RFC2: variants seen among roughly 807,000 people sequenced by gnomAD.
RFC2 encodes A1 40 kDa subunit.
A neutral mutation model predicts 44.8 loss-of-function variants in RFC2; 34 were observed. The observed-to-expected ratio is 0.76, with a 90% CI of 0.58 to 1.01. RFC2 has a LOEUF of 1.01. RFC2 is among the 50% of genes least tolerant of loss of function. The pLI, the probability that RFC2 is intolerant of heterozygous loss-of-function variation, is 0.00. For synonymous variants in RFC2, 177 were observed against 168.9 expected, an observed-to-expected ratio of 1.05 and a Z score of -0.37; for missense variants, 400 against 453.6, an observed-to-expected ratio of 0.88 and a Z score of 1.07.
At chr7:74,239,567 G>A (rs968773576) in intron 7 of RFC2, among the ~76,000 whole-genome samples, 7 of 152,176 alleles carry the variant, frequency 4.6e-5, no homozygotes, top group Middle Eastern at 3.4e-3. Flanking sequence ...TCCTGACCTC[G>A]TGATCCACCC....
At chr7:74,240,756 G>A (rs1803290031) in intron 6 of RFC2, among the ~76,000 whole-genome samples, 1 of 152,150 alleles carries the variant, frequency 6.6e-6, no homozygotes, top group Admixed American at 6.6e-5. Context: ...TGGCCCTTCT[G>A]GGCACATGAC....
chr7:74,241,113 T>C (rs1554719236), intron 6 of RFC2, among the ~76,000 whole-genome samples: 1 of 151,976 alleles, frequency 6.6e-6, no homozygotes, highest in East Asian at 1.9e-4. Flanking sequence ...GTATTTTTAG[T>C]AGAAATGGGG....
chr7:74,244,898 G>A (rs1803514885), intron 5 of RFC2, among the ~76,000 whole-genome samples: 1 of 151,894 alleles, frequency 6.6e-6, no homozygotes, highest in Non-Finnish European at 1.5e-5. Context: ...AGGAGTTCAA[G>A]GTTGCAGTGA....
At chr7:74,252,227 G>A (rs1217288181) in intron 2 of RFC2, among the ~76,000 whole-genome samples, 1 of 150,824 alleles carries the variant, frequency 6.6e-6, no homozygotes, top group African/African-American at 2.4e-5. Flanking sequence ...CTAACACGGT[G>A]AAACCCCGTC....
At chr7:74,250,030 G>C (rs1554720792) in intron 2 of RFC2, among the ~76,000 whole-genome samples, 1 of 151,764 alleles carries the variant, frequency 6.6e-6, no homozygotes, top group Non-Finnish European at 1.5e-5. Flanking sequence ...GTGTGCTCCT[G>C]TACTCCCAGC....
chr7:74,248,888 G>T (rs1454406896), intron 4 of RFC2, 124 bp downstream of exon 4: 1 of 687,216 alleles, frequency 1.5e-6, no homozygotes, highest in Admixed American at 2.4e-5. Context: ...TCACTGGGAA[G>T]GGGTGGAGGA....
chr7:74,237,142 G>T (rs1018098187), intron 9 of RFC2: 2 of 403,016 alleles, frequency 5.0e-6, no homozygotes, highest in Non-Finnish European at 9.2e-6. Context: ...CTGAGACAGG[G>T]TCTCACCATC....
At chr7:74,237,541 T>C in intron 8 of RFC2, 99 bp from the exon 9 acceptor site, 2 of 607,530 alleles carry the variant, frequency 3.3e-6, no homozygotes, top group Admixed American at 6.2e-5. Flanking sequence ...TGGGTAAAAC[T>C]TCTCAACCTG....
At chr7:74,254,163 G>A (rs1335073747) in intron 1 of RFC2, 108 bp downstream of exon 1, 2 of 806,940 alleles carry the variant, frequency 2.5e-6, no homozygotes, top group Non-Finnish European at 2.1e-6. Context: ...TCCTCCCTCG[G>A]GATTCCCCAA....
intron 10 of RFC2, among the ~76,000 whole-genome samples, chr7:74,233,252 C>T (rs149704095): frequency 6.6e-6 from 1 of 152,206 alleles, no homozygotes; most frequent in East Asian, 1.9e-4. Flanking sequence ...GTGGCTCACA[C>T]CTGTAATTCT....
intron 6 of RFC2, among the ~76,000 whole-genome samples, chr7:74,242,363 A>T (rs1554719384): frequency 6.6e-6 from 1 of 152,096 alleles, no homozygotes; most frequent in Non-Finnish European, 1.5e-5. Context: ...AACCTCTCCA[A>T]GCTCGTTTTC....
At chr7:74,237,992 G>A (rs1485991803) in intron 8 of RFC2, among the ~76,000 whole-genome samples, 6 of 151,930 alleles carry the variant, frequency 3.9e-5, no homozygotes, top group African/African-American at 1.2e-4. Context: ...GTACAATGTC[G>A]ACCCCTACAT....
In RFC2 at chr7:74,246,775, A is replaced by G. The variant is rs376998126; in HGVS notation, c.333-12T>C. 3.6e-5 allele frequency: 57 copies of G among 1,575,736 alleles called. No individual in the cohort carries two copies. The highest frequency in any genetic ancestry group is 9.5e-5 in the African/African-American group (7 of 74,058). ...CAACGTCAATGCCCCTGAAAGAATG[A>G]CAGGTTTTTACTGGCACCTTCTGAG... On this transcript the variant is annotated splice_polypyrimidine_tract_variant and intron_variant, in intron 4 of 10. Transcript: ENST00000055077.
intron 4 of RFC2, among the ~76,000 whole-genome samples, chr7:74,248,071 A>G (rs1335439325): frequency 3.9e-5 from 6 of 152,098 alleles, no homozygotes; most frequent in African/African-American, 9.7e-5. Context: ...CTGGGATTAT[A>G]GGCATGAACC....
intron 3 of RFC2, 129 bp downstream of exon 3, chr7:74,249,610 A>C: frequency 1.3e-6 from 1 of 774,500 alleles, no homozygotes. Context: ...ACTAGAGTGA[A>C]ACACTTCCCT....
At chr7:74,242,708 G>A (rs1554719422) in intron 6 of RFC2, among the ~76,000 whole-genome samples, 2 of 144,770 alleles carry the variant, frequency 1.4e-5, no homozygotes, top group East Asian at 2.0e-4. Flanking sequence ...GAGGTCAGAC[G>A]TTTGAGACCA....
At chr7:74,239,235 G>A (rs1803190073) in intron 7 of RFC2, among the ~76,000 whole-genome samples, 1 of 148,550 alleles carries the variant, frequency 6.7e-6, no homozygotes, top group Non-Finnish European at 1.5e-5. Context: ...GAGTGTAGTG[G>A]CACAATCTCG....
chr7:74,246,643 A>AAAT lies in RFC2; in HGVS notation c.434+18_434+19insATT. On this transcript the variant is annotated intron_variant, in intron 5 of 10. Coordinates refer to ENST00000055077, the MANE Select transcript of RFC2 (RefSeq NM_181471.3). ...GATTTAGAGATCAAGGTCAAAATAC[A>AAAT]TTTGGCAAAGCACTCTACCTGTCTG... The AAAT allele has an allele frequency of 6.6e-7, 1 of 1,506,392 alleles. No individual in the cohort carries two copies. The highest frequency in any genetic ancestry group is 9.2e-7 in the Non-Finnish European group (1 of 1,091,506). 93.3% of individuals were successfully genotyped at this position (1,506,392 alleles called of 1,614,324 possible).
At chr7:74,239,128 C>T (rs558469344) in intron 7 of RFC2, 140 bp from the exon 8 acceptor site, 1 of 597,324 alleles carries the variant, frequency 1.7e-6, no homozygotes, top group Admixed American at 2.4e-5. Flanking sequence ...CTCCCAAGTG[C>T]TGGGATTACA....
Sources: allele counts gnomAD v4.1 joint callset (sites outside exome capture counted in the v4.1 genomes callset), GRCh38; gene constraint gnomAD v4.1.1; transcripts MANE v1.5; gene names NCBI Gene and HGNC (gene_info 2026-07-23, HGNC 2026-07-21).